The following ARHGAP39 variants were observed in gnomAD, a reference collection of about 807,000 sequenced individuals.
ARHGAP39 encodes rho GTPase-activating protein 39.
A neutral mutation model predicts 106.9 loss-of-function variants in ARHGAP39; 44 were observed. The ratio of observed to expected loss-of-function variants is 0.41; its 90% CI spans 0.32 to 0.53. ARHGAP39 has a LOEUF of 0.53. Ranked by LOEUF, ARHGAP39 falls within the 20% of genes least tolerant of loss-of-function variation. The pLI is 0.21. For missense variants in ARHGAP39, 1,496 were observed against 1,577.3 expected (o/e 0.95, Z 0.87); for synonymous variants, 768 against 693.2 (o/e 1.11, Z -1.69).
chr8:144,549,490 C>T (rs774174751), intron 4 of ARHGAP39, among the ~76,000 whole-genome samples: 5 of 152,196 alleles, frequency 3.3e-5, no homozygotes, highest in Non-Finnish European at 1.5e-5. Context: ...CTGTACACCA[C>T]GTGGTTTTGT....
intron 1 of ARHGAP39, among the ~76,000 whole-genome samples, chr8:144,656,546 T>C (rs1821703035): frequency 6.6e-6 from 1 of 152,092 alleles, no homozygotes; most frequent in Non-Finnish European, 1.5e-5. Context: ...TTCACATCTG[T>C]AATCCTAGCA....
At chr8:144,669,949 C>A (rs1822059915) in intron 1 of ARHGAP39, among the ~76,000 whole-genome samples, 1 of 152,230 alleles carries the variant, frequency 6.6e-6, no homozygotes, top group African/African-American at 2.4e-5. Flanking sequence ...CTTTGGAAAA[C>A]AGTTTGGCAT....
intron 3 of ARHGAP39, among the ~76,000 whole-genome samples, chr8:144,570,538 A>T (rs1818550608): frequency 6.6e-6 from 1 of 152,198 alleles, no homozygotes; most frequent in Non-Finnish European, 1.5e-5. Context: ...ACAATAGGAA[A>T]AGTCTAGCAG....
intron 2 of ARHGAP39, among the ~76,000 whole-genome samples, chr8:144,595,359 T>A (rs1028701248): frequency 6.6e-6 from 1 of 152,116 alleles, no homozygotes; most frequent in African/African-American, 2.4e-5. Context: ...CGTACTTCAA[T>A]CGTCTGGAGC....
At chr8:144,628,793 TTCCATGCCCCACATCCTGG>T (rs1820988535) in intron 1 of ARHGAP39, among the ~76,000 whole-genome samples, 1 of 152,210 alleles carries the variant, frequency 6.6e-6, no homozygotes, top group Non-Finnish European at 1.5e-5. Context: ...TTTGTAGGAA[TTCCATGCCCCACATCCTGG>T]TCCAGCTTCT....
At chr8:144,559,827 C>T (rs11997674) in intron 3 of ARHGAP39, among the ~76,000 whole-genome samples, 4,061 of 152,286 alleles carry the variant, frequency 0.027, 178 homozygotes, top group African/African-American at 0.093. Context: ...TCCACATAGC[C>T]TGAAGGCAAT....
chr8:144,635,425 T>C (rs1174390581), intron 1 of ARHGAP39, among the ~76,000 whole-genome samples: 1 of 152,010 alleles, frequency 6.6e-6, no homozygotes, highest in Non-Finnish European at 1.5e-5. Flanking sequence ...AGGGAGGGCA[T>C]GGAAGTTCCA....
chr8:144,639,710 C>T (rs1821262767), intron 1 of ARHGAP39, among the ~76,000 whole-genome samples: 1 of 151,974 alleles, frequency 6.6e-6, no homozygotes, highest in African/African-American at 2.4e-5. Context: ...GAAGACGCCA[C>T]AATCACACAC....
chr8:144,588,850 C>T (rs1339561457), intron 2 of ARHGAP39, among the ~76,000 whole-genome samples: 1 of 152,256 alleles, frequency 6.6e-6, no homozygotes, highest in Non-Finnish European at 1.5e-5. Flanking sequence ...TGGTCCTCCT[C>T]CCAGTGAATC....
intron 2 of ARHGAP39, among the ~76,000 whole-genome samples, chr8:144,587,567 T>C (rs1819227054): frequency 6.6e-6 from 1 of 151,234 alleles, no homozygotes; most frequent in South Asian, 2.1e-4. Context: ...CCCGGCAGCA[T>C]GGGACGGGGC....
At chr8:144,608,276 G>C (rs1820371683) in intron 1 of ARHGAP39, among the ~76,000 whole-genome samples, 1 of 151,614 alleles carries the variant, frequency 6.6e-6, no homozygotes, top group African/African-American at 2.4e-5. Flanking sequence ...TTTTTGAAAA[G>C]TAAAACAGCA....
chr8:144,557,814 A>T (rs1818001964), intron 3 of ARHGAP39, among the ~76,000 whole-genome samples: 1 of 152,258 alleles, frequency 6.6e-6, no homozygotes, highest in South Asian at 2.1e-4. Context: ...ATACCCATGA[A>T]AGTCAGGGCA....
At chr8:144,562,021 C>G (rs892030258) in intron 3 of ARHGAP39, among the ~76,000 whole-genome samples, 8 of 143,764 alleles carry the variant, frequency 5.6e-5, no homozygotes, top group African/African-American at 1.9e-4. Flanking sequence ...GTTTCCATCA[C>G]ACTCCAGTGG....
At chr8:144,697,220 G>A in the ARHGAP39 span, among the ~76,000 whole-genome samples, 3 of 151,724 alleles carry the variant, frequency 2.0e-5, no homozygotes, top group South Asian at 2.1e-4. Flanking sequence ...CCAGCTACTC[G>A]GGAGGCTGAG....
At chr8:144,540,570 G>A (rs1310374108) in intron 6 of ARHGAP39, among the ~76,000 whole-genome samples, 1 of 152,206 alleles carries the variant, frequency 6.6e-6, no homozygotes, top group African/African-American at 2.4e-5. Flanking sequence ...GGAGGCTAAG[G>A]TGGGAGAATC....
At chr8:144,600,946 G>A (rs117460953) in intron 2 of ARHGAP39, among the ~76,000 whole-genome samples, 1 of 149,268 alleles carries the variant, frequency 6.7e-6, no homozygotes, top group Non-Finnish European at 1.5e-5. Flanking sequence ...GGAGGCATGT[G>A]TGTGCTCGTA....
the ARHGAP39 span, among the ~76,000 whole-genome samples, chr8:144,694,767 A>C: frequency 6.6e-6 from 1 of 152,204 alleles, no homozygotes; most frequent in South Asian, 2.1e-4. Flanking sequence ...CAGGCTGCTG[A>C]AAGGTGGCAG....
In ARHGAP39 at chr8:144,545,785, T is replaced by C. The variant is rs1177682286; in HGVS notation, c.1985A>G (p.Gln662Arg). The change falls in exon 6 of 12, where the codon CAG becomes CGG. Residue 662 changes from glutamine to arginine, a missense_variant. By Grantham distance (43) the Gln-to-Arg change is conservative. This residue lies in a region of ARHGAP39 where 905 missense variants were observed against 816.4 expected (regional missense o/e 1.11). Transcript: ENST00000377307. ...SQSEDLAACA[Q>R]FESSRQSRSG... is the part of the protein sequence containing the mutation. ...GCGGCTCTGCCGGCTGCTCTCGAAC[T>C]GGGCACAGGCAGCGAGGTCCTCAGA... 7 of 1,548,802 alleles carry C rather than the reference T, an allele frequency of 4.5e-6. No homozygotes were observed. The East Asian group carries it at 9.5e-5, about 21-fold the overall frequency.
rs562811368 is a variant in ARHGAP39, at chr8:144,649,486, G to T, written c.-82+36200C>A. Reference sequence around the variant, plus strand: ...ATAATAAATAATAGAAATGACAAACGTGGCCAGGCGCTGTGGCTCACATCT... The same window carrying T: ...ATAATAAATAATAGAAATGACAAACTTGGCCAGGCGCTGTGGCTCACATCT... On this transcript the variant is annotated intron_variant, in intron 1 of 11. Transcript: ENST00000377307. Among the ~76,000 whole-genome samples the T allele has an allele frequency of 1.9e-4, 29 of 150,048 alleles. No individual in the cohort carries two copies. The South Asian group carries it at 4.3e-3, about 22-fold the overall frequency.
Sources: gnomAD v4.1 joint callset for allele counts (sites outside exome capture counted in the v4.1 genomes callset) on GRCh38, gnomAD v4.1.1 for gene constraint, gnomAD v4.1.1 regional missense constraint, MANE v1.5 for transcripts, NCBI Gene and HGNC (gene_info 2026-07-23, HGNC 2026-07-21) for gene names.